PRKCA: variants seen among roughly 807,000 people sequenced by gnomAD.
The protein encoded by PRKCA is protein kinase C alpha.
In PRKCA, 27 loss-of-function variants were observed where a neutral mutation model predicts 87.0. That is an observed-to-expected ratio of 0.31 (90% CI 0.23 to 0.43). The LOEUF (loss-of-function observed/expected upper bound fraction) is 0.43, where lower values mean the gene tolerates loss of function less well. PRKCA is among the 20% of genes least tolerant of loss of function. The pLI is 1.00. For missense variants in PRKCA, 518 were observed against 852.3 expected (o/e 0.61, Z 4.88); for synonymous variants, 329 against 311.1 (o/e 1.06, Z -0.61).
At chr17:66,694,318 C>G (rs759553094) in intron 8 of PRKCA, among the ~76,000 whole-genome samples, 1 of 151,242 alleles carries the variant, frequency 6.6e-6, no homozygotes, top group Non-Finnish European at 1.5e-5. Flanking sequence ...CTGTCTCTAC[C>G]AAAAATACAA....
intron 3 of PRKCA, among the ~76,000 whole-genome samples, chr17:66,585,459 T>C (rs1162825801): frequency 6.6e-6 from 1 of 152,262 alleles, no homozygotes; most frequent in Non-Finnish European, 1.5e-5. Flanking sequence ...GAAACCTTGC[T>C]GAGGACTCTC....
At chr17:66,402,298 G>A (rs1911079653) in intron 2 of PRKCA, among the ~76,000 whole-genome samples, 1 of 152,058 alleles carries the variant, frequency 6.6e-6, no homozygotes, top group Non-Finnish European at 1.5e-5. Context: ...TTAGGAGCTT[G>A]GTGGTTGTGG....
intron 8 of PRKCA, among the ~76,000 whole-genome samples, chr17:66,695,021 G>A (rs2144065260): frequency 6.6e-6 from 1 of 152,270 alleles, no homozygotes; most frequent in South Asian, 2.1e-4. Context: ...AAAGGTGAGG[G>A]GAAGGGAGTT....
chr17:66,463,282 A>G (rs950617421), intron 2 of PRKCA, among the ~76,000 whole-genome samples: 1 of 152,174 alleles, frequency 6.6e-6, no homozygotes, highest in Admixed American at 6.5e-5. Flanking sequence ...CACTTGAACT[A>G]TGTGAGTTAA....
intron 13 of PRKCA, among the ~76,000 whole-genome samples, chr17:66,748,211 G>A (rs1974343306): frequency 6.6e-6 from 1 of 152,190 alleles, no homozygotes; most frequent in Non-Finnish European, 1.5e-5. Context: ...GCCATTCTGG[G>A]GTCACAGCTT....
chr17:66,523,217 C>T (rs1041750105), intron 3 of PRKCA, among the ~76,000 whole-genome samples: 1 of 152,138 alleles, frequency 6.6e-6, no homozygotes, highest in African/African-American at 2.4e-5. Context: ...GGGGCACTGA[C>T]TTCCCAAATT....
At chr17:66,401,573 T>C (rs1911033138) in intron 2 of PRKCA, among the ~76,000 whole-genome samples, 1 of 152,168 alleles carries the variant, frequency 6.6e-6, no homozygotes, top group Non-Finnish European at 1.5e-5. Context: ...CAGACCACTC[T>C]GAGGGCAATG....
At chr17:66,461,274 A>C (rs184333472) in intron 2 of PRKCA, among the ~76,000 whole-genome samples, 1 of 152,070 alleles carries the variant, frequency 6.6e-6, no homozygotes, top group Non-Finnish European at 1.5e-5. Context: ...TCATGTGCCA[A>C]ATTTAATATT....
chr17:66,532,295 C>T (rs1177127058), intron 3 of PRKCA, among the ~76,000 whole-genome samples: 2 of 135,920 alleles, frequency 1.5e-5, no homozygotes. Flanking sequence ...TTTCCTGCCC[C>T]CTCCCCCCCC....
Position 66,368,551 on chromosome 17 carries a change from C to T in PRKCA, c.205+62424C>T, listed in dbSNP as rs112328132. Among the ~76,000 whole-genome samples the T allele has an allele frequency of 8.4e-4, 127 of 150,796 alleles. 1 individual carries two copies. The highest frequency in any genetic ancestry group is 2.8e-3 in the African/African-American group (115 of 41,062). On this transcript the variant is annotated intron_variant, in intron 2 of 16. Coordinates refer to ENST00000413366, the MANE Select transcript of PRKCA (RefSeq NM_002737.3). The stretch of plus-strand genomic sequence containing the variant: ...GACTACAGGCATACACCACCACATC[C>T]GGCTAATTTTTGTATTTTTTTGTAG...
At chr17:66,710,832 C>T (rs1567989090) in intron 8 of PRKCA, among the ~76,000 whole-genome samples, 1 of 151,744 alleles carries the variant, frequency 6.6e-6, no homozygotes, top group Non-Finnish European at 1.5e-5. Flanking sequence ...GAGTTCAAGA[C>T]CAGCCTGCCC....
chr17:66,747,160 C>T (rs1399668329), intron 13 of PRKCA, among the ~76,000 whole-genome samples: 1 of 152,190 alleles, frequency 6.6e-6, no homozygotes, highest in Admixed American at 6.5e-5. Context: ...GTCTCAATCT[C>T]CTGGGCTCAA....
chr17:66,764,058 C>T (rs1371519976), intron 13 of PRKCA, among the ~76,000 whole-genome samples: 1 of 152,154 alleles, frequency 6.6e-6, no homozygotes, highest in Non-Finnish European at 1.5e-5. Context: ...ATGCCAAAGC[C>T]GATGACCAGG....
At chr17:66,785,441 G>A (rs1207090781) in intron 14 of PRKCA, among the ~76,000 whole-genome samples, 2 of 152,132 alleles carry the variant, frequency 1.3e-5, no homozygotes, top group Admixed American at 6.5e-5. Flanking sequence ...TCTTTCCCAC[G>A]AGAAAGGAAC....
At chr17:66,370,690 A>G (rs1482707320) in intron 2 of PRKCA, among the ~76,000 whole-genome samples, 1 of 151,698 alleles carries the variant, frequency 6.6e-6, no homozygotes, top group African/African-American at 2.4e-5. Context: ...AGCTGGGACT[A>G]CAGGTGCATG....
intron 8 of PRKCA, among the ~76,000 whole-genome samples, chr17:66,691,557 G>T (rs1210341377): frequency 6.6e-6 from 1 of 152,152 alleles, no homozygotes; most frequent in Non-Finnish European, 1.5e-5. Flanking sequence ...TGCAGACCTG[G>T]GGTACTGGAC....
rs1975976291 is a variant in PRKCA at position 66,804,364 on chromosome 17, C to T, written c.*327C>T. The T allele has an allele frequency of 5.0e-6, 1 of 200,434 alleles. No individual in the cohort carries two copies. The highest frequency in any genetic ancestry group is 2.3e-5 in the African/African-American group (1 of 43,154). The allele number at this position is 200,434 out of a possible 1,614,324, so 12.4% of individuals were successfully genotyped here. ...GGTACAATTTGATATACTTTCCATA[C>T]CCTCCATCTGTGGATTTTTCAGCAT... On this transcript the variant is annotated 3_prime_UTR_variant, in exon 17 of 17. Transcript: ENST00000413366.
At chr17:66,380,229 T>C (rs1013861127) in intron 2 of PRKCA, among the ~76,000 whole-genome samples, 3 of 151,920 alleles carry the variant, frequency 2.0e-5, no homozygotes, top group African/African-American at 7.3e-5. Flanking sequence ...TTTTAAGTGT[T>C]GTATTCAACC....
At chr17:66,678,153 A>T (rs1235433052) in intron 5 of PRKCA, among the ~76,000 whole-genome samples, 1 of 152,208 alleles carries the variant, frequency 6.6e-6, no homozygotes, top group East Asian at 1.9e-4. Context: ...TCACATGTGT[A>T]TTCTTAGAGA....
Sources: allele counts gnomAD v4.1 joint callset (sites outside exome capture counted in the v4.1 genomes callset), GRCh38; gene constraint gnomAD v4.1.1; transcripts MANE v1.5; gene names NCBI Gene and HGNC (gene_info 2026-07-23, HGNC 2026-07-21).